Variants in ELP1 observed in about 807,000 individuals in gnomAD.
The protein encoded by ELP1 is elongator acetyltransferase complex subunit 1, also known as elongator complex protein 1.
In ELP1, 131 loss-of-function variants were observed where a neutral mutation model predicts 183.2. That is an observed-to-expected ratio of 0.72 (90% CI 0.62 to 0.83). The LOEUF is 0.83. Among genes scored for constraint, ELP1 ranks in the 40% least tolerant of loss-of-function variants. The pLI is 0.00. For synonymous variants in ELP1, 555 were observed against 569.0 expected (o/e 0.98, Z 0.35); for missense variants, 1,550 against 1,594.9 (o/e 0.97, Z 0.48).
At chr9:108,869,319 T>C in intron 36 of ELP1, 137 bp from the exon 37 acceptor site, 1 of 767,682 alleles carries the variant, frequency 1.3e-6, no homozygotes, top group Non-Finnish European at 2.3e-6. Flanking sequence ...TTCATGTGTC[T>C]GCTACCCCTG....
chr9:108,870,548 G>A (rs1432366304), intron 36 of ELP1, among the ~76,000 whole-genome samples: 1 of 152,158 alleles, frequency 6.6e-6, no homozygotes, highest in Non-Finnish European at 1.5e-5. Flanking sequence ...GGAGGGGTTG[G>A]TCTTGCTGTC....
rs757122140 is a variant in ELP1, at chr9:108,918,824, C to G, written c.727G>C (p.Ala243Pro). 2 of 1,613,926 alleles carry G rather than the reference C, an allele frequency of 1.2e-6. No individual in the cohort carries two copies. The highest frequency in any genetic ancestry group is 2.2e-5 in the South Asian group (2 of 91,072). The change falls in exon 8 of 37, where the codon GCC becomes CCC. Residue 243 changes from alanine to proline, a missense_variant. Physicochemically the swap from Ala to Pro is conservative, Grantham distance 27 (BLOSUM62 -1). Coordinates refer to ENST00000374647, the MANE Select transcript of ELP1 (RefSeq NM_003640.5). ...TCTCCCACTCACTTCCAAGCCAGGG[C>G]TGGTCCCAGTCCTGCCACAGGCTCA... Reference protein sequence around the residue: ...TSEPVAGLGPALAWKPSGSLI... With the variant: ...TSEPVAGLGPPLAWKPSGSLI...
In ELP1 at chr9:108,879,328, C is replaced by G. The variant is rs1024263289; in HGVS notation, c.3572+118G>C. On this transcript the variant is annotated intron_variant, in intron 33 of 36. Transcript: ENST00000374647. ...GTGTCTGAACAACTTCCACACAGCG[C>G]TGAAGAATATTCTCCCCACTCCCAC... 146 of 773,524 alleles carry G rather than the reference C, an allele frequency of 1.9e-4. 1 individual carries two copies. The highest frequency in any genetic ancestry group is 1.7e-4 in the Non-Finnish European group (76 of 437,864). 47.9% of individuals were successfully genotyped at this position (773,524 alleles called of 1,614,324 possible). A position where few individuals can be genotyped will look rare whatever the true frequency, so the allele number is the denominator to read the frequency against.
Position 108,869,774 on chromosome 9 carries a change from C to T in ELP1, c.3932-592G>A, listed in dbSNP as rs78893217. ...CACTTAGATTTGTTAAGTTTCTTTT[C>T]TAACCAGGAATCATATACTGCAAGC... On this transcript the variant is annotated intron_variant, in intron 36 of 36. Coordinates refer to ENST00000374647, the MANE Select transcript of ELP1 (RefSeq NM_003640.5). Among the ~76,000 whole-genome samples the T allele has an allele frequency of 5.9e-3, 905 of 152,206 alleles. 10 individuals carry two copies. The highest frequency in any genetic ancestry group is 0.021 in the African/African-American group (868 of 41,534).
intron 28 of ELP1, among the ~76,000 whole-genome samples, chr9:108,891,001 C>A (rs1266442530): frequency 6.6e-6 from 1 of 152,222 alleles, no homozygotes; most frequent in Non-Finnish European, 1.5e-5. Context: ...GAGAAATAAA[C>A]TTCTTTCCAT....
chr9:108,886,972 G>A (rs937887236), intron 29 of ELP1, among the ~76,000 whole-genome samples: 3 of 151,522 alleles, frequency 2.0e-5, no homozygotes, highest in Admixed American at 1.3e-4. Context: ...ACTTTGGGAG[G>A]CTGAGACAGG....
chr9:108,882,481 C>G (rs567628492), intron 29 of ELP1, among the ~76,000 whole-genome samples: 3 of 152,266 alleles, frequency 2.0e-5, no homozygotes, highest in Admixed American at 6.5e-5. Flanking sequence ...ATCTCCCCAG[C>G]TTTACTACCA....
At chr9:108,918,767 A>T in intron 8 of ELP1, 44 bp downstream of exon 8, 1 of 1,359,694 alleles carries the variant, frequency 7.4e-7, no homozygotes, top group Non-Finnish European at 1.1e-6. Flanking sequence ...CACCACCTCT[A>T]CTCTGGTTCC....
intron 36 of ELP1, among the ~76,000 whole-genome samples, chr9:108,869,484 G>GT (rs1400971981): frequency 6.6e-6 from 1 of 152,144 alleles, no homozygotes; most frequent in Non-Finnish European, 1.5e-5. Context: ...TCACATGGCT[G>GT]TATACATTTA....
intron 25 of ELP1, among the ~76,000 whole-genome samples, chr9:108,895,530 A>G (rs946763750): frequency 1.3e-5 from 2 of 152,148 alleles, no homozygotes; most frequent in Non-Finnish European, 2.9e-5. Flanking sequence ...TCTTTCCTCC[A>G]TGGGCAGAGG....
At chr9:108,919,732 T>C (rs1483085441) in intron 6 of ELP1, among the ~76,000 whole-genome samples, 1 of 152,158 alleles carries the variant, frequency 6.6e-6, no homozygotes, top group Non-Finnish European at 1.5e-5. Flanking sequence ...TTGTGTAAGC[T>C]TCACAACAGG....
chr9:108,929,049 C>A (rs1225519289), intron 3 of ELP1, among the ~76,000 whole-genome samples: 1 of 152,212 alleles, frequency 6.6e-6, no homozygotes, highest in Non-Finnish European at 1.5e-5. Flanking sequence ...ATGAAAAGCA[C>A]TTTAAAAAGT....
intron 14 of ELP1, among the ~76,000 whole-genome samples, chr9:108,904,245 A>AT (rs57450962): frequency 0.098 from 12,939 of 132,362 alleles, 946 homozygotes; most frequent in Middle Eastern, 0.18. Context: ...AAATTTCACT[A>AT]TTTTTTTTTT....
chr9:108,907,221 C>T (rs1381946567), intron 13 of ELP1, among the ~76,000 whole-genome samples: 1 of 152,176 alleles, frequency 6.6e-6, no homozygotes. Flanking sequence ...AACCCCAAAC[C>T]TATCCCTTCC....
chr9:108,910,925 T>C (rs1406273387), intron 12 of ELP1, 85 bp downstream of exon 12: 4 of 1,191,228 alleles, frequency 3.4e-6, no homozygotes, highest in African/African-American at 1.5e-5. Flanking sequence ...ACTAGACCTA[T>C]GGCAACACCA....
chr9:108,901,335 G>T, intron 18 of ELP1, 90 bp downstream of exon 18: 1 of 943,978 alleles, frequency 1.1e-6, no homozygotes, highest in Non-Finnish European at 1.7e-6. Flanking sequence ...TTGATAAAAA[G>T]CCAAAATAAA....
intron 14 of ELP1, among the ~76,000 whole-genome samples, chr9:108,904,380 G>A (rs1828942773): frequency 6.6e-6 from 1 of 151,336 alleles, no homozygotes. Context: ...AAGTAGCTTG[G>A]ACCATAGCCA....
At chr9:108,889,036 T>C (rs909609716) in intron 29 of ELP1, among the ~76,000 whole-genome samples, 2 of 152,222 alleles carry the variant, frequency 1.3e-5, no homozygotes, top group African/African-American at 2.4e-5. Flanking sequence ...GTTTCTACTT[T>C]GGCAAACTCA....
chr9:108,882,069 C>T (rs2118946927), intron 30 of ELP1, 56 bp downstream of exon 30: 1 of 1,447,936 alleles, frequency 6.9e-7, no homozygotes, highest in East Asian at 2.3e-5. Context: ...CCTGGAATCC[C>T]TTGCTTGCTC....
Sources: allele counts gnomAD v4.1 joint callset (sites outside exome capture counted in the v4.1 genomes callset), GRCh38; gene constraint gnomAD v4.1.1; transcripts MANE v1.5; gene names NCBI Gene and HGNC (gene_info 2026-07-23, HGNC 2026-07-21).